Variants in ZBTB20 observed in about 807,000 individuals in gnomAD.
ZBTB20 encodes the protein zinc finger and BTB domain-containing protein 20.
ZBTB20 carries 9 observed loss-of-function variants against 56.9 expected under a neutral mutation model. The observed-to-expected ratio is 0.16, with a 90% CI of 0.10 to 0.28. The LOEUF (loss-of-function observed/expected upper bound fraction) is 0.28. Ranked by LOEUF, ZBTB20 falls within the 10% of genes least tolerant of loss-of-function variation. The pLI, the probability that ZBTB20 is intolerant of heterozygous loss-of-function variation, is 1.00. For missense variants in ZBTB20, 655 were observed against 1,003.0 expected (o/e 0.65, Z 4.69); for synonymous variants, 417 against 420.7 (o/e 0.99, Z 0.11).
At chr3:115,124,197 A>G (rs1165031034) in intron 1 of ZBTB20, among the ~76,000 whole-genome samples, 1 of 152,244 alleles carries the variant, frequency 6.6e-6, no homozygotes. Context: ...GTAAGTGAAT[A>G]GTATATGTTT....
intron 6 of ZBTB20, among the ~76,000 whole-genome samples, chr3:114,633,903 T>C (rs1429870016): frequency 3.3e-5 from 5 of 152,176 alleles, no homozygotes; most frequent in African/African-American, 9.7e-5. Flanking sequence ...AAATGACATG[T>C]CAAACATAAG....
chr3:115,011,140 A>G (rs1441679349), intron 2 of ZBTB20, among the ~76,000 whole-genome samples: 1 of 151,908 alleles, frequency 6.6e-6, no homozygotes, highest in Non-Finnish European at 1.5e-5. Flanking sequence ...AAAACAATGA[A>G]GCACACCTAC....
At chr3:114,815,923 T>C (rs1393802920) in intron 4 of ZBTB20, among the ~76,000 whole-genome samples, 1 of 152,218 alleles carries the variant, frequency 6.6e-6, no homozygotes, top group Non-Finnish European at 1.5e-5. Context: ...ATTTTTATTT[T>C]TACTATCTTT....
intron 4 of ZBTB20, among the ~76,000 whole-genome samples, chr3:114,855,408 A>T (rs1299067907): frequency 6.6e-6 from 1 of 152,220 alleles, no homozygotes; most frequent in Non-Finnish European, 1.5e-5. Flanking sequence ...ATCTGCTGAT[A>T]GTCTGTTGAG....
intron 4 of ZBTB20, among the ~76,000 whole-genome samples, chr3:114,885,174 A>ACC (rs1560361306): frequency 3.3e-5 from 5 of 151,950 alleles, no homozygotes; most frequent in Non-Finnish European, 5.9e-5. Context: ...CCAACTGTAC[A>ACC]TTGTTAATAG....
chr3:114,983,515 G>A (rs1427334761), intron 2 of ZBTB20, among the ~76,000 whole-genome samples: 1 of 151,922 alleles, frequency 6.6e-6, no homozygotes, highest in Non-Finnish European at 1.5e-5. Flanking sequence ...GCTGATGAAA[G>A]CTAATAGTAA....
At chr3:114,865,454 T>C (rs567862544) in intron 4 of ZBTB20, among the ~76,000 whole-genome samples, 30 of 152,260 alleles carry the variant, frequency 2.0e-4, no homozygotes, top group Admixed American at 5.9e-4. Context: ...ATCACTTCTA[T>C]TAAACGGGCA....
At position 114,565,877 on chromosome 3, in the gene ZBTB20, G is replaced by GA. The variant is rs2052663509; in HGVS notation, c.-294-65487dup. Among the ~76,000 whole-genome samples the GA allele has an allele frequency of 2.0e-5, 3 of 152,108 alleles. No homozygotes were observed. In the South Asian group the frequency reaches 6.2e-4, roughly 32 times the overall value. On this transcript the variant is annotated intron_variant, in intron 6 of 11. Coordinates refer to ENST00000675478, the MANE Select transcript of ZBTB20 (RefSeq NM_001348800.3). Reference sequence around the variant, plus strand: ...AAGATGTTGTCATGCAAATGTAAGGGAAACACCTGCCCTCTCCTGAAAATT... The same window carrying GA: ...AAGATGTTGTCATGCAAATGTAAGGGAAAACACCTGCCCTCTCCTGAAAATT...
chr3:115,068,043 G>A (rs1215875040), intron 2 of ZBTB20, among the ~76,000 whole-genome samples: 1 of 151,934 alleles, frequency 6.6e-6, no homozygotes, highest in Non-Finnish European at 1.5e-5. Context: ...GCCTAGAAAG[G>A]TACTTAACAA....
chr3:114,482,626 T>C (rs750986843), intron 7 of ZBTB20, among the ~76,000 whole-genome samples: 1 of 152,190 alleles, frequency 6.6e-6, no homozygotes, highest in Non-Finnish European at 1.5e-5. Flanking sequence ...ACATTTTATA[T>C]TGTGACCCAG....
chr3:114,597,043 A>T (rs77364270), intron 6 of ZBTB20, among the ~76,000 whole-genome samples: 391 of 148,344 alleles, frequency 2.6e-3, no homozygotes, highest in Admixed American at 8.4e-3. Flanking sequence ...AAATTAAAAA[A>T]ATATATATAT....
rs1378569896 is a variant in ZBTB20 at position 114,633,099 on chromosome 3, T to TA, written c.-295+60428dup. On this transcript the variant is annotated intron_variant, in intron 6 of 11. Coordinates refer to ENST00000675478, the MANE Select transcript of ZBTB20 (RefSeq NM_001348800.3). Reference sequence around the variant, plus strand: ...TCTAAGGATCTACTTTCAAGATTTGTAAAAAGAAGTATATTTGTTCTCACA... The same window carrying TA: ...TCTAAGGATCTACTTTCAAGATTTGTAAAAAAGAAGTATATTTGTTCTCACA... Among the ~76,000 whole-genome samples the TA allele has an allele frequency of 7.9e-5, 12 of 152,332 alleles. No homozygotes were observed. In the East Asian group the frequency reaches 2.3e-3, roughly 29 times the overall value.
intron 5 of ZBTB20, among the ~76,000 whole-genome samples, chr3:114,737,360 G>A (rs907996283): frequency 6.6e-5 from 10 of 152,070 alleles, no homozygotes; most frequent in African/African-American, 2.4e-4. Context: ...ATTAAATTCA[G>A]TTAAAAACTA....
intron 7 of ZBTB20, among the ~76,000 whole-genome samples, chr3:114,479,101 G>A (rs377572631): frequency 6.8e-6 from 1 of 147,352 alleles, no homozygotes; most frequent in Non-Finnish European, 1.5e-5. Context: ...TTTTCAGGAT[G>A]GGGGGAAGAA....
At chr3:114,635,355 G>A (rs1035058856) in intron 6 of ZBTB20, among the ~76,000 whole-genome samples, 7 of 152,090 alleles carry the variant, frequency 4.6e-5, no homozygotes, top group African/African-American at 1.7e-4. Context: ...AAACTCATCT[G>A]TAGAGACTGG....
At chr3:114,568,259 C>T (rs1024771606) in intron 6 of ZBTB20, among the ~76,000 whole-genome samples, 20 of 152,108 alleles carry the variant, frequency 1.3e-4, no homozygotes, top group African/African-American at 4.8e-4. Flanking sequence ...GCAAGAAAAT[C>T]CACTGTCCCT....
chr3:114,647,180 G>C (rs1219953167), intron 6 of ZBTB20, among the ~76,000 whole-genome samples: 1 of 152,020 alleles, frequency 6.6e-6, no homozygotes, highest in African/African-American at 2.4e-5. Context: ...GGATGGTCTC[G>C]ATCTCCTGAC....
intron 5 of ZBTB20, among the ~76,000 whole-genome samples, chr3:114,705,997 A>G (rs913201820): frequency 6.6e-6 from 1 of 152,208 alleles, no homozygotes; most frequent in African/African-American, 2.4e-5. Flanking sequence ...TAACTCTTTC[A>G]TAACACCATC....
intron 5 of ZBTB20, among the ~76,000 whole-genome samples, chr3:114,778,325 G>A (rs1309295764): frequency 2.6e-4 from 38 of 146,184 alleles, no homozygotes; most frequent in Admixed American, 1.7e-3. Context: ...CTCCAGCCTC[G>A]GCAACAAGAG....
Sources: allele counts gnomAD v4.1 joint callset (sites outside exome capture counted in the v4.1 genomes callset), GRCh38; gene constraint gnomAD v4.1.1; transcripts MANE v1.5; gene names NCBI Gene and HGNC (gene_info 2026-07-23, HGNC 2026-07-21).